Variants in ZNF266 observed in about 807,000 individuals in gnomAD.
The protein encoded by ZNF266 is zinc finger protein 1.
In ZNF266, 16 loss-of-function variants were observed where a neutral mutation model predicts 16.4. The observed-to-expected ratio is 0.98, with a 90% CI of 0.66 to 1.48. The LOEUF (loss-of-function observed/expected upper bound fraction) is 1.48. Among genes scored for constraint, ZNF266 ranks in the 40% most tolerant of loss-of-function variants. The probability of loss-of-function intolerance (pLI) is 0.00; values close to 1 mark genes in which losing one functional copy is unlikely to be tolerated. For missense variants in ZNF266, 738 were observed against 689.1 expected, an observed-to-expected ratio of 1.07 and a Z score of -0.79; for synonymous variants, 262 against 237.9, an observed-to-expected ratio of 1.10 and a Z score of -0.93.
chr19:9,419,155 G>C (rs544463274), intron 7 of ZNF266, 62 bp downstream of exon 7: 2 of 155,260 alleles, frequency 1.3e-5, no homozygotes, highest in East Asian at 3.8e-4. Flanking sequence ...TGTGTAGAAG[G>C]AAATGTGTCT....
At chr19:9,422,042 G>A (rs113795772) in intron 5 of ZNF266, among the ~76,000 whole-genome samples, 3,255 of 152,144 alleles carry the variant, frequency 0.021, 116 homozygotes, top group African/African-American at 0.074. Flanking sequence ...TAGTAGACAC[G>A]GGGTTTCACC....
chr19:9,430,761 A>G (rs371994571), intron 5 of ZNF266, among the ~76,000 whole-genome samples: 1 of 152,136 alleles, frequency 6.6e-6, no homozygotes, highest in South Asian at 2.1e-4. Flanking sequence ...AACATCAGTC[A>G]TGTAAATCAG....
chr19:9,415,033 G>A (rs958123416), intron 10 of ZNF266, among the ~76,000 whole-genome samples: 5 of 152,166 alleles, frequency 3.3e-5, no homozygotes, highest in African/African-American at 4.8e-5. Flanking sequence ...AGTGGCTCAC[G>A]CCTGTAATCC....
rs1568402810 is a variant in ZNF266 at position 9,414,615 on chromosome 19, T to C, written c.511A>G (p.Asn171Asp). Reference sequence around the variant, plus strand: ...CCATACAGATAACACTCAAATGTGTTCTCACTATTTTGAGTTCTCACATGT... The same window carrying C: ...CCATACAGATAACACTCAAATGTGTCCTCACTATTTTGAGTTCTCACATGT... ...KTHVRTQNSE[N>D]TFECYLYGVD... Residue 171 changes from asparagine (N) to aspartate (D), a missense_variant, in exon 11 of 11, where the codon AAC (asparagine) becomes GAC (aspartate). Transcript: ENST00000592904. 6.2e-7 allele frequency: 1 copy of C among 1,611,706 alleles called. No homozygotes were observed. Among genetic ancestry groups the C allele is most frequent in the South Asian group, 1.1e-5 (1 of 91,060 alleles).
At chr19:9,430,791 C>T (rs923369339) in intron 5 of ZNF266, among the ~76,000 whole-genome samples, 1 of 152,106 alleles carries the variant, frequency 6.6e-6, no homozygotes, top group Admixed American at 6.6e-5. Flanking sequence ...CTGCTCAGGT[C>T]TACCTAATCC....
At chr19:9,424,404 G>A (rs1207779318) in intron 5 of ZNF266, among the ~76,000 whole-genome samples, 11 of 152,142 alleles carry the variant, frequency 7.2e-5, no homozygotes, top group African/African-American at 2.7e-4. Flanking sequence ...ACAACTGAAC[G>A]AAAGCAGGAC....
Position 9,432,739 on chromosome 19 carries a change from T to C in ZNF266, c.-130+929A>G, listed in dbSNP as rs140890318. 5.2e-3 allele frequency among the ~76,000 whole-genome samples: 796 copies of C among 152,270 alleles called. 7 individuals are homozygous for C. The highest frequency in any genetic ancestry group is 0.018 in the African/African-American group (749 of 41,556). ...GAAAGACTAATAAAAATAGGCTATT[T>C]ATCCAATTTTTGATGAATTGGTATG... On this transcript the variant is annotated intron_variant, in intron 5 of 10. Transcript: ENST00000592904.
In ZNF266 at chr19:9,413,612, C is replaced by T; in HGVS notation, c.1514G>A (p.Cys505Tyr). 1 of 1,614,204 alleles carries T rather than the reference C, an allele frequency of 6.2e-7. No homozygotes were observed. Among genetic ancestry groups the T allele is most frequent in the Non-Finnish European group, 8.5e-7 (1 of 1,180,040 alleles). The change falls in exon 11 of 11, where the codon TGC (cysteine) becomes TAC (tyrosine). Residue 505 changes from cysteine (C) to tyrosine (Y), a missense_variant. Physicochemically the swap from Cys to Tyr is radical, Grantham distance 194. Coordinates refer to ENST00000592904, the MANE Select transcript of ZNF266 (RefSeq NM_001370374.1). ...RIHTGEKPFE[C>Y]LECGKAFTHS... ...CGTAAATGCTTTACCACATTCCAGG[C>T]ACTCAAAGGGCTTCTCTCCAGTGTG... is the stretch of plus-strand genomic sequence containing the variant.
chr19:9,434,449 G>A (rs751469647), intron 3 of ZNF266, among the ~76,000 whole-genome samples: 1 of 152,082 alleles, frequency 6.6e-6, no homozygotes, highest in Non-Finnish European at 1.5e-5. Flanking sequence ...ATAAATGAAG[G>A]ATACATTTAA....
intron 5 of ZNF266, among the ~76,000 whole-genome samples, chr19:9,425,528 G>C (rs1168698386): frequency 6.6e-6 from 1 of 152,184 alleles, no homozygotes; most frequent in Non-Finnish European, 1.5e-5. Flanking sequence ...TGGTGAACAG[G>C]GTGTGTGGTC....
At chr19:9,431,635 C>CA (rs2071608518) in intron 5 of ZNF266, among the ~76,000 whole-genome samples, 1 of 152,182 alleles carries the variant, frequency 6.6e-6, no homozygotes, top group Admixed American at 6.5e-5. Context: ...CTCATAGCTA[C>CA]AGTGGTGTCC....
At chr19:9,429,680 A>G (rs1166475946) in intron 5 of ZNF266, among the ~76,000 whole-genome samples, 9 of 152,218 alleles carry the variant, frequency 5.9e-5, no homozygotes, top group Non-Finnish European at 1.3e-4. Flanking sequence ...AAATGGACAC[A>G]GAACATTTTT....
intron 10 of ZNF266, 47 bp from the exon 11 acceptor site, chr19:9,414,767 T>C: frequency 6.7e-7 from 1 of 1,498,226 alleles, no homozygotes; most frequent in Non-Finnish European, 8.9e-7. Context: ...TTCAGATTGA[T>C]TAACAGATTC....
intron 5 of ZNF266, among the ~76,000 whole-genome samples, chr19:9,429,161 A>G (rs1384345738): frequency 2.0e-5 from 3 of 152,150 alleles, no homozygotes; most frequent in Non-Finnish European, 2.9e-5. Context: ...TCAAATAACT[A>G]CTTTTCAAAT....
rs998213664 is a variant in ZNF266, at chr19:9,415,751, A to T, written c.317-9T>A. On this transcript the variant is annotated splice_polypyrimidine_tract_variant and intron_variant, in intron 9 of 10. Coordinates refer to ENST00000592904, the MANE Select transcript of ZNF266 (RefSeq NM_001370374.1). ...CACTTTCCATTCTGAAGCTGAAGAG[A>T]AAAAGAAATGTAAGGGTTTGGAGAC... is the stretch of plus-strand genomic sequence containing the variant. 6.2e-7 allele frequency: 1 copy of T among 1,609,830 alleles called. No homozygotes were observed. The highest frequency in any genetic ancestry group is 1.3e-5 in the African/African-American group (1 of 74,806).
chr19:9,418,817 G>T, intron 7 of ZNF266, 186 bp from the exon 8 acceptor site: 2 of 480,488 alleles, frequency 4.2e-6, no homozygotes, highest in South Asian at 2.4e-5. Context: ...ACACATGATT[G>T]TATGTAACAC....
In ZNF266 at chr19:9,418,573, A is replaced by G; in HGVS notation, c.167T>C (p.Leu56Pro). Residue 56 changes from leucine to proline, a missense_variant, in exon 8 of 11, where the codon CTG becomes CCG. Transcript: ENST00000592904. ...GTAGAGGTTTCTCTGAGTTGGGTCC[A>G]GTAAAGTCCATTCTTCTGGGGTGAA... ...VDFTPEEWTL[L>P]DPTQRNLYRD... is the part of the protein sequence containing the mutation. 6.2e-7 allele frequency: 1 copy of G among 1,613,472 alleles called. No individual in the cohort carries two copies. Among genetic ancestry groups the G allele is most frequent in the Non-Finnish European group, 8.5e-7 (1 of 1,179,364 alleles).
At position 9,414,736 on chromosome 19, in the gene ZNF266, T is replaced by C. The variant is rs1180445318; in HGVS notation, c.406-16A>G. On this transcript the variant is annotated splice_polypyrimidine_tract_variant and intron_variant, in intron 10 of 10. Coordinates refer to ENST00000592904, the MANE Select transcript of ZNF266 (RefSeq NM_001370374.1). Reference sequence around the variant, plus strand: ...GGCTTCCTATCTGTTGATAAAGGAATGAATGATGATTAAAGGACGGTTCAG... The same window carrying C: ...GGCTTCCTATCTGTTGATAAAGGAACGAATGATGATTAAAGGACGGTTCAG... The C allele has an allele frequency of 4.6e-6, 7 of 1,537,284 alleles. No individual in the cohort carries two copies. The highest frequency in any genetic ancestry group is 5.3e-6 in the Non-Finnish European group (6 of 1,140,534).
chr19:9,428,601 A>G (rs2071118303), intron 5 of ZNF266, among the ~76,000 whole-genome samples: 2 of 152,180 alleles, frequency 1.3e-5, no homozygotes, highest in Admixed American at 1.3e-4. Context: ...GTGCCTGGCC[A>G]AACTTCAGGC....
Sources: gnomAD v4.1 joint callset for allele counts (sites outside exome capture counted in the v4.1 genomes callset) on GRCh38, gnomAD v4.1.1 for gene constraint, MANE v1.5 for transcripts, NCBI Gene and HGNC (gene_info 2026-07-23, HGNC 2026-07-21) for gene names.